The following SPIDR variants were observed in gnomAD, a reference collection of about 807,000 sequenced individuals.
The protein encoded by SPIDR is DNA repair-scaffolding protein.
SPIDR carries 93 observed loss-of-function variants against 104.6 expected under a neutral mutation model. That is an observed-to-expected ratio of 0.89 (90% CI 0.75 to 1.06). The LOEUF is 1.06. Among genes scored for constraint, SPIDR ranks in the 50% least tolerant of loss-of-function variants. The pLI, the probability that SPIDR is intolerant of heterozygous loss-of-function variation, is 0.00. For missense variants in SPIDR, 1,154 were observed against 1,111.2 expected (o/e 1.04, Z -0.55); for synonymous variants, 431 against 416.9 (o/e 1.03, Z -0.41).
intron 8 of SPIDR, among the ~76,000 whole-genome samples, chr8:47,583,100 A>G (rs2059896865): frequency 6.6e-6 from 1 of 151,644 alleles, no homozygotes; most frequent in Admixed American, 6.6e-5. Context: ...CATATCCTCA[A>G]AAGTTTCTTG....
chr8:47,589,290 G>A (rs781559504), intron 8 of SPIDR, among the ~76,000 whole-genome samples: 1 of 151,946 alleles, frequency 6.6e-6, no homozygotes, highest in Non-Finnish European at 1.5e-5. Flanking sequence ...GGAGGCCGAG[G>A]GCGGCGGATC....
intron 8 of SPIDR, among the ~76,000 whole-genome samples, chr8:47,456,651 A>G (rs1352097823): frequency 6.6e-6 from 1 of 152,030 alleles, no homozygotes; most frequent in Non-Finnish European, 1.5e-5. Flanking sequence ...AACAGGTGGC[A>G]TTTGGTTACA....
chr8:47,293,015 T>C (rs1554570416), intron 4 of SPIDR, among the ~76,000 whole-genome samples: 204 of 152,240 alleles, frequency 1.3e-3, no homozygotes, highest in Non-Finnish European at 2.3e-3. Context: ...AAATCTCTAA[T>C]GTGTTCCCCT....
Position 47,599,018 on chromosome 8 carries a change from C to T in SPIDR, c.1366C>T (p.Pro456Ser). ...GCACAAAGAAGCAAAACAGCGCATC[C>T]CAACCAGCACTCCCCTGAGGGATTC... ...HGHKEAKQRI[P>S]TSTPLRDSLL... The change falls in exon 10 of 20, where the codon CCA (proline) becomes TCA (serine). Residue 456 changes from proline to serine, a missense_variant. By Grantham distance (74) the Pro-to-Ser change is moderately conservative. Transcript: ENST00000297423. The T allele has an allele frequency of 1.2e-6, 2 of 1,613,370 alleles. No homozygotes were observed. The highest frequency in any genetic ancestry group is 1.7e-6 in the Non-Finnish European group (2 of 1,179,642).
chr8:47,297,464 TTTA>T (rs2041080262), intron 5 of SPIDR, among the ~76,000 whole-genome samples: 1 of 152,158 alleles, frequency 6.6e-6, no homozygotes, highest in Non-Finnish European at 1.5e-5. Context: ...TCTATTTTTT[TTTA>T]TTATTATACT....
chr8:47,654,684 C>T (rs1351959516), intron 10 of SPIDR, among the ~76,000 whole-genome samples: 1 of 152,154 alleles, frequency 6.6e-6, no homozygotes, highest in East Asian at 1.9e-4. Context: ...GACCTACACT[C>T]ATATAAGACA....
At position 47,599,009 on chromosome 8, in the gene SPIDR, C is replaced by A. The variant is rs1334634788; in HGVS notation, c.1357C>A (p.Gln453Lys). ...AWTHGHKEAK[Q>K]RIPTSTPLRD... ...GACCCATGGGCACAAAGAAGCAAAA[C>A]AGCGCATCCCAACCAGCACTCCCCT... Residue 453 changes from glutamine (Q) to lysine (K), a missense_variant, in exon 10 of 20, where the codon CAG (glutamine) becomes AAG (lysine). Physicochemically the swap from Gln to Lys is moderately conservative, Grantham distance 53. Transcript: ENST00000297423. 28 of 1,613,486 alleles carry A rather than the reference C, an allele frequency of 1.7e-5. No homozygotes were observed. Among genetic ancestry groups the A allele is most frequent in the Non-Finnish European group, 2.2e-5 (26 of 1,179,760 alleles).
chr8:47,420,957 C>T (rs2065329921), intron 7 of SPIDR, among the ~76,000 whole-genome samples: 1 of 152,224 alleles, frequency 6.6e-6, no homozygotes, highest in Non-Finnish European at 1.5e-5. Flanking sequence ...TTCTGGCTTG[C>T]AGAGTTTCTG....
At chr8:47,667,416 G>A (rs1260863510) in intron 10 of SPIDR, among the ~76,000 whole-genome samples, 2 of 129,334 alleles carry the variant, frequency 1.5e-5, no homozygotes, top group South Asian at 2.6e-4. Flanking sequence ...AGGCAGCATA[G>A]CAAGACCTCG....
At chr8:47,486,084 C>A (rs1045937054) in intron 8 of SPIDR, among the ~76,000 whole-genome samples, 1 of 152,098 alleles carries the variant, frequency 6.6e-6, no homozygotes, top group African/African-American at 2.4e-5. Flanking sequence ...GAACCCATCG[C>A]AAAGCAGCTA....
chr8:47,394,057 C>G (rs2060958274), intron 5 of SPIDR, among the ~76,000 whole-genome samples: 1 of 152,118 alleles, frequency 6.6e-6, no homozygotes, highest in Non-Finnish European at 1.5e-5. Context: ...CAGGTGTGTG[C>G]CACCACACCG....
At chr8:47,464,656 T>TTGTCCTGTCC (rs782033599) in intron 8 of SPIDR, among the ~76,000 whole-genome samples, 3 of 150,340 alleles carry the variant, frequency 2.0e-5, no homozygotes, top group East Asian at 2.0e-4. Context: ...TTGTCTTGTC[T>TTGTCCTGTCC]AGTCCTGTCC....
chr8:47,327,233 T>C (rs905946000), intron 5 of SPIDR, among the ~76,000 whole-genome samples: 1 of 152,228 alleles, frequency 6.6e-6, no homozygotes, highest in Non-Finnish European at 1.5e-5. Context: ...TGGTTGGTGA[T>C]CTGAATATCT....
chr8:47,331,996 T>C (rs2048818034), intron 5 of SPIDR, among the ~76,000 whole-genome samples: 2 of 91,946 alleles, frequency 2.2e-5, no homozygotes, highest in African/African-American at 1.0e-4. Flanking sequence ...TCTCTTTTTT[T>C]TTTTTTTTTT....
chr8:47,701,972 C>T lies in SPIDR; in HGVS notation c.1934C>T (p.Thr645Ile), dbSNP rs1242920813. Residue 645 changes from threonine (T) to isoleucine (I), a missense_variant, in exon 14 of 20, where the codon ACC (threonine) becomes ATC (isoleucine). Transcript: ENST00000297423. The stretch of plus-strand genomic sequence containing the variant: ...CCTTTCCAGATGAATGATCTTGGTA[C>T]CCGTTGCAGTTTCTATGCCACGGTG... The part of the protein sequence containing the change: ...RDILQMNDLG[T>I]RCSFYATVIY... The T allele has an allele frequency of 5.0e-6, 8 of 1,613,888 alleles. No individual in the cohort carries two copies. In the East Asian group the frequency reaches 8.9e-5, roughly 18 times the overall value.
chr8:47,671,619 A>AATAAATAAATAC (rs957353976), intron 10 of SPIDR, among the ~76,000 whole-genome samples: 1 of 149,158 alleles, frequency 6.7e-6, no homozygotes, highest in Non-Finnish European at 1.5e-5. Context: ...TAAATAAATA[A>AATAAATAAATAC]ATACAAATAA....
chr8:47,477,891 G>C (rs1163591358), intron 8 of SPIDR, among the ~76,000 whole-genome samples: 3 of 152,178 alleles, frequency 2.0e-5, no homozygotes, highest in African/African-American at 7.2e-5. Flanking sequence ...CAGAGCCCTA[G>C]GGGAGGCACC....
chr8:47,611,555 A>G (rs1019006055), intron 10 of SPIDR, among the ~76,000 whole-genome samples: 1 of 152,000 alleles, frequency 6.6e-6, no homozygotes, highest in Admixed American at 6.6e-5. Flanking sequence ...AAAATTAGCC[A>G]GGCATGGTGG....
intron 5 of SPIDR, among the ~76,000 whole-genome samples, chr8:47,361,150 A>G (rs2055816692): frequency 6.6e-6 from 1 of 152,224 alleles, no homozygotes; most frequent in Non-Finnish European, 1.5e-5. Context: ...TATCATCTGT[A>G]AATTGGAAAT....
Sources: allele counts gnomAD v4.1 joint callset (sites outside exome capture counted in the v4.1 genomes callset), GRCh38; gene constraint gnomAD v4.1.1; transcripts MANE v1.5; gene names NCBI Gene and HGNC (gene_info 2026-07-23, HGNC 2026-07-21).